The following ATXN1 variants were observed in gnomAD, a reference collection of about 807,000 sequenced individuals.
ATXN1 encodes ataxin-1.
Under a neutral mutation model 56.4 loss-of-function variants are expected in ATXN1, and 8 were observed. The observed-to-expected ratio is 0.14, with a 90% CI of 0.08 to 0.26. ATXN1 has a LOEUF of 0.26. Ranked by LOEUF, ATXN1 falls within the 10% of genes least tolerant of loss-of-function variation. ATXN1 has a pLI of 1.00. For missense variants in ATXN1, 987 were observed against 1,106.5 expected (o/e 0.89, Z 1.53); for synonymous variants, 514 against 494.6 (o/e 1.04, Z -0.52).
At chr6:16,724,591 G>T (rs1010735235) in intron 2 of ATXN1, among the ~76,000 whole-genome samples, 1 of 152,076 alleles carries the variant, frequency 6.6e-6, no homozygotes, top group Admixed American at 6.5e-5. Flanking sequence ...AACTTTCTAC[G>T]GGACAACCAT....
intron 6 of ATXN1, among the ~76,000 whole-genome samples, chr6:16,440,648 A>AAAAAAAAAAGAAAGAAAG (rs748929817): frequency 5.1e-5 from 6 of 118,568 alleles, no homozygotes; most frequent in African/African-American, 1.4e-4. Flanking sequence ...CTTAAAAAAA[A>AAAAAAAAAAGAAAGAAAG]AAAAGAAAAG....
intron 3 of ATXN1, among the ~76,000 whole-genome samples, chr6:16,646,293 T>C (rs1763797633): frequency 6.6e-6 from 1 of 152,060 alleles, no homozygotes; most frequent in Non-Finnish European, 1.5e-5. Context: ...CTGCTAAGAG[T>C]GATCATGACC....
At chr6:16,555,383 T>G (rs1207527893) in intron 4 of ATXN1, among the ~76,000 whole-genome samples, 1 of 152,182 alleles carries the variant, frequency 6.6e-6, no homozygotes, top group African/African-American at 2.4e-5. Context: ...TCAGAAAAGT[T>G]CAGTAGCTTG....
intron 2 of ATXN1, among the ~76,000 whole-genome samples, chr6:16,712,360 C>G (rs979926397): frequency 3.7e-4 from 56 of 152,218 alleles, no homozygotes; most frequent in African/African-American, 1.2e-3. Context: ...GAACAGTGAA[C>G]ATGCTTGAGT....
chr6:16,367,614 C>T (rs1191013387), intron 6 of ATXN1, among the ~76,000 whole-genome samples: 2 of 152,132 alleles, frequency 1.3e-5, no homozygotes, highest in African/African-American at 2.4e-5. Flanking sequence ...ACCCCAATAT[C>T]CCACTTTCCT....
chr6:16,662,870 A>G (rs9297016), intron 2 of ATXN1, among the ~76,000 whole-genome samples: 106,062 of 152,064 alleles, frequency 0.7, 38,391 homozygotes, highest in African/African-American at 0.89. Context: ...TATAAACTGA[A>G]TGTCTTTTTG....
intron 6 of ATXN1, among the ~76,000 whole-genome samples, chr6:16,395,674 A>G (rs1758440610): frequency 6.6e-6 from 1 of 152,168 alleles, no homozygotes; most frequent in Non-Finnish European, 1.5e-5. Flanking sequence ...TGTATTTACG[A>G]TACTATACTT....
At chr6:16,635,024 T>C (rs1161104436) in intron 3 of ATXN1, among the ~76,000 whole-genome samples, 1 of 152,166 alleles carries the variant, frequency 6.6e-6, no homozygotes, top group Non-Finnish European at 1.5e-5. Context: ...AGGTGAGCAG[T>C]AGGCGAATGA....
At chr6:16,538,738 T>C (rs892000334) in intron 4 of ATXN1, among the ~76,000 whole-genome samples, 2 of 152,070 alleles carry the variant, frequency 1.3e-5, no homozygotes, top group African/African-American at 4.8e-5. Flanking sequence ...CAGGATGGAG[T>C]GCAATGGCAC....
At chr6:16,665,471 T>C (rs1471261598) in intron 2 of ATXN1, among the ~76,000 whole-genome samples, 1 of 145,090 alleles carries the variant, frequency 6.9e-6, no homozygotes, top group Non-Finnish European at 1.5e-5. Context: ...GGGAATGGAA[T>C]AGGTAAATAA....
intron 4 of ATXN1, among the ~76,000 whole-genome samples, chr6:16,554,265 C>G (rs1282573871): frequency 6.6e-6 from 1 of 152,180 alleles, no homozygotes; most frequent in Non-Finnish European, 1.5e-5. Context: ...AACTTTTGTT[C>G]AAGGCCATCA....
intron 3 of ATXN1, among the ~76,000 whole-genome samples, chr6:16,639,215 C>T (rs983193014): frequency 4.6e-5 from 7 of 152,324 alleles, no homozygotes; most frequent in Middle Eastern, 3.4e-3. Flanking sequence ...TCCCCTTCCA[C>T]GCTGTGGAAG....
At chr6:16,343,550 G>T (rs558423088) in intron 6 of ATXN1, among the ~76,000 whole-genome samples, 2 of 152,044 alleles carry the variant, frequency 1.3e-5, no homozygotes, top group African/African-American at 2.4e-5. Flanking sequence ...TCTCACATCC[G>T]CAAAGGGGAC....
chr6:16,521,552 G>A (rs1054930892), intron 5 of ATXN1, among the ~76,000 whole-genome samples: 3 of 152,200 alleles, frequency 2.0e-5, no homozygotes, highest in African/African-American at 4.8e-5. Flanking sequence ...AGGGAGATCC[G>A]TCTCAAAGTA....
At chr6:16,638,417 G>C (rs1470021631) in intron 3 of ATXN1, among the ~76,000 whole-genome samples, 1 of 142,764 alleles carries the variant, frequency 7.0e-6, no homozygotes, top group Non-Finnish European at 1.5e-5. Flanking sequence ...CTGCAATCCA[G>C]CCTGGATGAC....
chr6:16,523,027 C>G (rs897440788), intron 4 of ATXN1, among the ~76,000 whole-genome samples: 1 of 152,100 alleles, frequency 6.6e-6, no homozygotes, highest in African/African-American at 2.4e-5. Flanking sequence ...CCTCCATGCC[C>G]ACCATGATGC....
intron 3 of ATXN1, among the ~76,000 whole-genome samples, chr6:16,616,564 T>A: frequency 6.9e-6 from 1 of 145,606 alleles, no homozygotes; most frequent in Middle Eastern, 3.6e-3. Flanking sequence ...ATATATTTTA[T>A]ATATAGTATA....
chr6:16,518,869 T>A (rs765249175), intron 5 of ATXN1, among the ~76,000 whole-genome samples: 8 of 152,150 alleles, frequency 5.3e-5, no homozygotes, highest in Non-Finnish European at 1.2e-4. Context: ...AACCCAGGGG[T>A]ATATGCTATG....
At chr6:16,717,222 T>C (rs534974714) in intron 2 of ATXN1, among the ~76,000 whole-genome samples, 1 of 152,370 alleles carries the variant, frequency 6.6e-6, no homozygotes, top group Admixed American at 6.5e-5. Context: ...CTAAAGTCTA[T>C]GTAGGCAATG....
Sources: gnomAD v4.1 joint callset for allele counts (sites outside exome capture counted in the v4.1 genomes callset) on GRCh38, gnomAD v4.1.1 for gene constraint, MANE v1.5 for transcripts, NCBI Gene and HGNC (gene_info 2026-07-23, HGNC 2026-07-21) for gene names.